Variants in PRELID2 observed in about 807,000 individuals in gnomAD.
PRELID2 encodes PRELI domain-containing protein 2.
A neutral mutation model predicts 28.4 loss-of-function variants in PRELID2; 25 were observed. The ratio of observed to expected loss-of-function variants is 0.88; its 90% confidence interval spans 0.64 to 1.23. PRELID2 has a LOEUF of 1.23. Ranked by LOEUF, PRELID2 falls within the 50% of genes most tolerant of loss-of-function variation. The probability of loss-of-function intolerance (pLI) is 0.00; values close to 1 mark genes in which losing one functional copy is unlikely to be tolerated. For synonymous variants in PRELID2, 76 were observed against 71.6 expected (o/e 1.06, Z -0.31); for missense variants, 201 against 214.4 (o/e 0.94, Z 0.39).
intron 1 of PRELID2, among the ~76,000 whole-genome samples, chr5:145,741,565 A>T (rs1185900549): frequency 4.6e-5 from 3 of 64,992 alleles, no homozygotes; most frequent in Admixed American, 2.4e-4. Context: ...TTTATATATA[A>T]AATTTATTTA....
chr5:145,364,080 A>G, the PRELID2 span, among the ~76,000 whole-genome samples: 1 of 152,024 alleles, frequency 6.6e-6, no homozygotes, highest in Non-Finnish European at 1.5e-5. Flanking sequence ...TGGAAAAGTC[A>G]CTATTGCTTC....
the PRELID2 span, among the ~76,000 whole-genome samples, chr5:145,325,792 A>G: frequency 6.6e-6 from 1 of 151,966 alleles, no homozygotes; most frequent in Non-Finnish European, 1.5e-5. Flanking sequence ...CTGCTTTTCT[A>G]TGTCAAAAGG....
the PRELID2 span, among the ~76,000 whole-genome samples, chr5:145,264,960 G>A: frequency 8.4e-6 from 1 of 118,702 alleles, no homozygotes; most frequent in Non-Finnish European, 1.6e-5. Context: ...GGCAACAAGA[G>A]TGCAACTCTA....
chr5:145,407,997 C>T, the PRELID2 span, among the ~76,000 whole-genome samples: 4 of 152,206 alleles, frequency 2.6e-5, no homozygotes, highest in Non-Finnish European at 5.9e-5. Context: ...TTCCCCAGCA[C>T]CAGCCCAGAG....
chr5:145,238,232 A>G, the PRELID2 span, among the ~76,000 whole-genome samples: 2 of 152,134 alleles, frequency 1.3e-5, no homozygotes, highest in African/African-American at 4.8e-5. Context: ...CTAGGGTGCT[A>G]TTCTAGGAGG....
intron 4 of PRELID2, among the ~76,000 whole-genome samples, chr5:145,813,531 T>G (rs555457388): frequency 6.6e-6 from 1 of 152,304 alleles, no homozygotes; most frequent in East Asian, 1.9e-4. Flanking sequence ...ACCCATCCTT[T>G]GTAAATGTTC....
chr5:145,584,275 T>C (rs537302932), intron 1 of PRELID2, among the ~76,000 whole-genome samples: 36 of 152,174 alleles, frequency 2.4e-4, no homozygotes, highest in South Asian at 1.5e-3. Context: ...TTACACCTTA[T>C]ACAAAAATTA....
Position 145,758,729 on chromosome 5 carries a change from GA to G in PRELID2, c.*1806del, listed in dbSNP as rs996917679. Among the ~76,000 whole-genome samples, 1 of 151,262 alleles carries G rather than the reference GA, an allele frequency of 6.6e-6. No individual in the cohort carries two copies. The highest frequency in any genetic ancestry group is 1.5e-5 in the Non-Finnish European group (1 of 67,822). On this transcript the variant is annotated 3_prime_UTR_variant, in exon 7 of 7. Coordinates refer to ENST00000683046, the MANE Select transcript of PRELID2 (RefSeq NM_205846.3). ...CCTACCAAATGCCATCTACAAATTG[GA>G]AAAAAAAGGTCAAAGTGTGTTTTAG...
chr5:145,587,460 C>A (rs542536021), intron 1 of PRELID2, among the ~76,000 whole-genome samples: 2 of 152,230 alleles, frequency 1.3e-5, no homozygotes, highest in East Asian at 3.9e-4. Context: ...CAGTTAACAT[C>A]TGCTGACAGG....
intron 1 of PRELID2, among the ~76,000 whole-genome samples, chr5:145,599,003 C>T (rs1475417178): frequency 6.6e-6 from 1 of 152,082 alleles, no homozygotes; most frequent in African/African-American, 2.4e-5. Flanking sequence ...TTTTATCCCC[C>T]TCTATGTCAA....
At chr5:145,446,394 G>A in the PRELID2 span, among the ~76,000 whole-genome samples, 3 of 152,074 alleles carry the variant, frequency 2.0e-5, no homozygotes, top group African/African-American at 7.2e-5. Flanking sequence ...AGGTAGTCAA[G>A]AAAGGACTCT....
intron 1 of PRELID2, among the ~76,000 whole-genome samples, chr5:145,621,469 G>C (rs1753773068): frequency 6.6e-6 from 1 of 152,068 alleles, no homozygotes; most frequent in Non-Finnish European, 1.5e-5. Context: ...CAACATTAGT[G>C]ATAAAAGCCA....
intron 1 of PRELID2, among the ~76,000 whole-genome samples, chr5:145,723,680 T>C (rs1756053725): frequency 6.6e-6 from 1 of 152,270 alleles, no homozygotes; most frequent in Non-Finnish European, 1.5e-5. Flanking sequence ...TGGCAAAAAG[T>C]TTAAAAGCTT....
intron 1 of PRELID2, among the ~76,000 whole-genome samples, chr5:145,700,225 C>T (rs1186795302): frequency 6.6e-6 from 1 of 152,046 alleles, no homozygotes; most frequent in East Asian, 1.9e-4. Flanking sequence ...CCCTAGACAT[C>T]AACCTGTAAT....
At chr5:145,264,560 G>A in the PRELID2 span, among the ~76,000 whole-genome samples, 2 of 151,986 alleles carry the variant, frequency 1.3e-5, no homozygotes, top group African/African-American at 4.8e-5. Context: ...AAAGTTGAAA[G>A]CAACCCCCCA....
intron 1 of PRELID2, among the ~76,000 whole-genome samples, chr5:145,565,257 T>A (rs1376849071): frequency 6.6e-6 from 1 of 152,214 alleles, no homozygotes; most frequent in African/African-American, 2.4e-5. Context: ...GGAAGGCAGG[T>A]GGCTACTGCT....
the PRELID2 span, among the ~76,000 whole-genome samples, chr5:145,299,041 A>G: frequency 6.6e-6 from 1 of 152,108 alleles, no homozygotes; most frequent in East Asian, 1.9e-4. Context: ...ATTTTTTATT[A>G]TAGAAAATTT....
the PRELID2 span, among the ~76,000 whole-genome samples, chr5:145,245,383 G>T: frequency 2.6e-5 from 4 of 152,046 alleles, no homozygotes; most frequent in Non-Finnish European, 4.4e-5. Flanking sequence ...GACACGGAAA[G>T]AGAAAGTGAG....
chr5:145,461,561 C>T, the PRELID2 span, among the ~76,000 whole-genome samples: 5 of 152,216 alleles, frequency 3.3e-5, no homozygotes, highest in Non-Finnish European at 7.3e-5. Flanking sequence ...CTAGTCCTCC[C>T]AGAGTGCTGG....
Sources: gnomAD v4.1 joint callset for allele counts (sites outside exome capture counted in the v4.1 genomes callset) on GRCh38, gnomAD v4.1.1 for gene constraint, MANE v1.5 for transcripts, NCBI Gene and HGNC (gene_info 2026-07-23, HGNC 2026-07-21) for gene names.